The following PPM1E variants were observed in gnomAD, a reference collection of about 807,000 sequenced individuals.
The protein encoded by PPM1E is protein phosphatase, Mg2+/Mn2+ dependent 1E, also known as protein phosphatase 1E.
Under a neutral mutation model 65.9 loss-of-function variants are expected in PPM1E, and 20 were observed. The observed-to-expected ratio is 0.30, with a 90% CI of 0.21 to 0.44. PPM1E has a LOEUF of 0.44. Ranked by LOEUF, PPM1E falls within the 20% of genes least tolerant of loss-of-function variation. PPM1E has a pLI of 1.00. For missense variants in PPM1E, 713 were observed against 953.1 expected (o/e 0.75, Z 3.32); for synonymous variants, 352 against 374.9 (o/e 0.94, Z 0.70).
intron 1 of PPM1E, among the ~76,000 whole-genome samples, chr17:58,938,852 G>A (rs566893759): frequency 4.1e-5 from 6 of 147,274 alleles, no homozygotes; most frequent in South Asian, 2.2e-4. Context: ...GCAATGGCGC[G>A]ATCTTGACTC....
At chr17:58,772,056 T>C (rs577230226) in intron 1 of PPM1E, among the ~76,000 whole-genome samples, 2 of 152,324 alleles carry the variant, frequency 1.3e-5, no homozygotes, top group Non-Finnish European at 2.9e-5. Flanking sequence ...ATTAGGTAAC[T>C]TGTCCAAGGT....
chr17:58,822,733 A>G (rs948908841), intron 1 of PPM1E, among the ~76,000 whole-genome samples: 1 of 152,186 alleles, frequency 6.6e-6, no homozygotes, highest in Non-Finnish European at 1.5e-5. Context: ...TCTGGAATAG[A>G]TGATATGCTT....
Position 58,756,220 on chromosome 17 carries a change from G to T in PPM1E, c.223G>T (p.Ala75Ser), listed in dbSNP as rs1181727912. The change falls in exon 1 of 7, where the codon GCG becomes TCG. Residue 75 changes from alanine (A) to serine (S), a missense_variant. Transcript: ENST00000308249. The stretch of plus-strand genomic sequence containing the variant: ...CGGGGAGGAGGCGGCCACGGTAGCC[G>T]CGACGGAGGAGGGGGACCAGGAGCA... The part of the protein sequence containing the change: ...EPGEEAATVA[A>S]TEEGDQEQDP... 1.9e-6 allele frequency: 3 copies of T among 1,554,578 alleles called. No individual in the cohort carries two copies. In the Admixed American group the frequency reaches 5.9e-5, roughly 30 times the overall value.
chr17:58,922,859 A>G (rs988661813), intron 1 of PPM1E, among the ~76,000 whole-genome samples: 9 of 151,894 alleles, frequency 5.9e-5, no homozygotes, highest in African/African-American at 2.2e-4. Flanking sequence ...TAATTTTTGT[A>G]TTTTTAGAAG....
chr17:58,871,334 C>T (rs1439529553), intron 1 of PPM1E, among the ~76,000 whole-genome samples: 1 of 152,136 alleles, frequency 6.6e-6, no homozygotes, highest in African/African-American at 2.4e-5. Flanking sequence ...AGCCTCCGTG[C>T]CTGGCTCTGT....
intron 1 of PPM1E, among the ~76,000 whole-genome samples, chr17:58,945,105 G>A (rs1481017154): frequency 6.6e-6 from 1 of 151,616 alleles, no homozygotes; most frequent in Non-Finnish European, 1.5e-5. Flanking sequence ...GATGTTAAAA[G>A]GGGAAGAAAA....
intron 1 of PPM1E, among the ~76,000 whole-genome samples, chr17:58,805,986 AAAACAAAACAAAAC>A (rs2050308870): frequency 2.8e-5 from 3 of 105,744 alleles, no homozygotes; most frequent in African/African-American, 1.4e-4. Context: ...AAAAAAAAAC[AAAACAAAACAAAAC>A]AAAAAAAAAA....
At chr17:58,877,979 TA>T (rs555008507) in intron 1 of PPM1E, among the ~76,000 whole-genome samples, 5,210 of 135,338 alleles carry the variant, frequency 0.038, 106 homozygotes, top group African/African-American at 0.054. Flanking sequence ...CTTTAAAAAG[TA>T]AAAAAAAAAA....
intron 1 of PPM1E, among the ~76,000 whole-genome samples, chr17:58,936,445 G>C (rs2051981971): frequency 6.6e-6 from 1 of 152,118 alleles, no homozygotes; most frequent in Admixed American, 6.5e-5. Flanking sequence ...CTCTCTCCAA[G>C]TTAATTGATG....
chr17:58,771,002 G>T (rs1209193925), intron 1 of PPM1E, among the ~76,000 whole-genome samples: 1 of 151,866 alleles, frequency 6.6e-6, no homozygotes, highest in Admixed American at 6.6e-5. Context: ...GACTACAGGC[G>T]CATGCCACCA....
intron 1 of PPM1E, among the ~76,000 whole-genome samples, chr17:58,923,509 G>A (rs71372857): frequency 0.014 from 2,111 of 151,794 alleles, 30 homozygotes; most frequent in Non-Finnish European, 0.017. Context: ...ACTTTGGGAG[G>A]CCAAGGTGGA....
At chr17:58,761,325 G>A (rs2049818602) in intron 1 of PPM1E, among the ~76,000 whole-genome samples, 1 of 152,154 alleles carries the variant, frequency 6.6e-6, no homozygotes, top group South Asian at 2.1e-4. Flanking sequence ...TTACCTCCCA[G>A]GAGCTGGGGG....
At chr17:58,961,967 G>A (rs1015191339) in intron 2 of PPM1E, among the ~76,000 whole-genome samples, 2 of 151,910 alleles carry the variant, frequency 1.3e-5, no homozygotes, top group African/African-American at 4.8e-5. Flanking sequence ...GGCACATTGG[G>A]ACCACTGCAC....
At chr17:58,928,388 A>T (rs2051850612) in intron 1 of PPM1E, among the ~76,000 whole-genome samples, 2 of 151,904 alleles carry the variant, frequency 1.3e-5, no homozygotes, top group South Asian at 2.1e-4. Context: ...ATATTATATT[A>T]CTATTATGTT....
chr17:58,955,274 A>G (rs1423436473), intron 1 of PPM1E, among the ~76,000 whole-genome samples: 2 of 152,206 alleles, frequency 1.3e-5, no homozygotes, highest in East Asian at 3.9e-4. Context: ...CTGAGGCAGG[A>G]GAATCGCTTG....
intron 1 of PPM1E, among the ~76,000 whole-genome samples, chr17:58,828,540 C>T (rs1383368334): frequency 2.0e-5 from 3 of 151,964 alleles, no homozygotes; most frequent in Non-Finnish European, 2.9e-5. Flanking sequence ...TCTCGCCTCA[C>T]CACAACCTCT....
At chr17:58,921,316 GGAAAT>G (rs1266837898) in intron 1 of PPM1E, among the ~76,000 whole-genome samples, 1 of 152,106 alleles carries the variant, frequency 6.6e-6, no homozygotes, top group Non-Finnish European at 1.5e-5. Flanking sequence ...GTATGCTGAT[GGAAAT>G]GACTAGTAGA....
chr17:58,778,402 C>CTTTTTT (rs59155396), intron 1 of PPM1E, among the ~76,000 whole-genome samples: 1 of 86,066 alleles, frequency 1.2e-5, no homozygotes, highest in South Asian at 3.8e-4. Flanking sequence ...GGCTGGCCAT[C>CTTTTTT]TTTTTTTTTT....
intron 1 of PPM1E, among the ~76,000 whole-genome samples, chr17:58,860,295 GGATT>G (rs2050925641): frequency 6.6e-6 from 1 of 152,176 alleles, no homozygotes; most frequent in Non-Finnish European, 1.5e-5. Flanking sequence ...CCATGGCCAT[GGATT>G]GGTGTCACAC....
Sources: allele counts gnomAD v4.1 joint callset (sites outside exome capture counted in the v4.1 genomes callset), GRCh38; gene constraint gnomAD v4.1.1; transcripts MANE v1.5; gene names NCBI Gene and HGNC (gene_info 2026-07-23, HGNC 2026-07-21).